Variants in PEAK1 observed in about 807,000 individuals in gnomAD.
PEAK1 encodes the protein pseudopodium enriched atypical kinase 1.
PEAK1 carries 54 observed loss-of-function variants against 124.7 expected under a neutral mutation model. That is an observed-to-expected ratio of 0.43 (90% confidence interval 0.35 to 0.54). The LOEUF (loss-of-function observed/expected upper bound fraction) is 0.54, where lower values mean the gene tolerates loss of function less well. Ranked by LOEUF, PEAK1 falls within the 20% of genes least tolerant of loss-of-function variation. PEAK1 has a pLI of 0.01. For synonymous variants in PEAK1, 719 were observed against 760.0 expected, an observed-to-expected ratio of 0.95 and a Z score of 0.89; for missense variants, 2,046 against 2,134.5, an observed-to-expected ratio of 0.96 and a Z score of 0.82.
chr15:77,221,187 T>C (rs895715155), intron 6 of PEAK1, among the ~76,000 whole-genome samples: 6 of 152,122 alleles, frequency 3.9e-5, no homozygotes, highest in Admixed American at 1.3e-4. Context: ...CACTCTGTCA[T>C]TGCAGTCGTG....
At chr15:77,418,274 G>C (rs1268866152) in intron 1 of PEAK1, 1 of 985,200 alleles carries the variant, frequency 1.0e-6, no homozygotes, top group African/African-American at 1.7e-5. Context: ...TCTAAGTTGG[G>C]ACAGGAGATG....
intron 8 of PEAK1, among the ~76,000 whole-genome samples, chr15:77,140,532 T>TA (rs2053692285): frequency 6.6e-6 from 1 of 151,998 alleles, no homozygotes; most frequent in Non-Finnish European, 1.5e-5. Flanking sequence ...AAACATTTGA[T>TA]AAAACCAAAC....
In PEAK1 at chr15:77,367,519, A is replaced by G. The variant is rs182325553; in HGVS notation, c.-665-2294T>C. ...AACTGTACTGCACATAAATAATTTTACTAAAGTGGATTTTAAAAGTAAAAT... is the reference window on the plus strand; with the variant it reads ...AACTGTACTGCACATAAATAATTTTGCTAAAGTGGATTTTAAAAGTAAAAT... On this transcript the variant is annotated intron_variant, in intron 1 of 9. Transcript: ENST00000682557. 6.4e-4 allele frequency among the ~76,000 whole-genome samples: 98 copies of G among 152,352 alleles called. 1 individual carries two copies. The highest frequency in any genetic ancestry group is 2.3e-3 in the African/African-American group (97 of 41,580).
At chr15:77,102,011 G>C (rs1273161888) in exon 7 of PEAK1, 1 of 152,148 alleles carries the variant, frequency 6.6e-6, no homozygotes, top group Non-Finnish European at 1.5e-5. Flanking sequence ...AAAGAAAAAG[G>C]CAGAGTAAAC....
chr15:77,355,663 C>T (rs1160602727), intron 2 of PEAK1: 1 of 712,034 alleles, frequency 1.4e-6, no homozygotes, highest in African/African-American at 1.9e-5. Flanking sequence ...GGCTACAGAC[C>T]TGGCATGGAA....
Position 77,403,519 on chromosome 15 carries a change from A to G in PEAK1, c.-666+16487T>C, listed in dbSNP as rs557123224. 3 of 967,264 alleles carry G rather than the reference A, an allele frequency of 3.1e-6. No individual in the cohort carries two copies. The Admixed American group carries it at 1.8e-4, about 59-fold the overall frequency. 59.9% of individuals were successfully genotyped at this position (967,264 alleles called of 1,614,324 possible). A position where few individuals can be genotyped will look rare whatever the true frequency, so the allele number is the denominator to read the frequency against. On this transcript the variant is annotated intron_variant, in intron 1 of 9. Transcript: ENST00000682557. ...GAAATAGTACAAATCAAGCACAGTAATAATAGCTTCCACTGGTAGCATATT... is the reference window on the plus strand; with the variant it reads ...GAAATAGTACAAATCAAGCACAGTAGTAATAGCTTCCACTGGTAGCATATT...
At chr15:77,289,761 C>G (rs966561404) in intron 2 of PEAK1, among the ~76,000 whole-genome samples, 1 of 151,962 alleles carries the variant, frequency 6.6e-6, no homozygotes, top group Non-Finnish European at 1.5e-5. Flanking sequence ...TGCTTGAACC[C>G]GGGAGGCGAA....
In PEAK1 at chr15:77,327,625, A is replaced by C. The variant is rs546358144; in HGVS notation, c.-603+37538T>G. On this transcript the variant is annotated intron_variant, in intron 2 of 9. Transcript: ENST00000682557. ...CTAAGACCTAATCTTCCTTTTTAAC[A>C]GAAAAGAAGAACTAGTTATAGATCA... is the stretch of plus-strand genomic sequence containing the variant. 2.6e-5 allele frequency among the ~76,000 whole-genome samples: 4 copies of C among 152,228 alleles called. No individual in the cohort carries two copies. The South Asian group carries it at 8.3e-4, about 32-fold the overall frequency.
At chr15:77,148,678 A>C (rs556622448) in intron 8 of PEAK1, among the ~76,000 whole-genome samples, 10 of 152,224 alleles carry the variant, frequency 6.6e-5, no homozygotes, top group Admixed American at 2.6e-4. Context: ...GTGCTTTGGG[A>C]GGCCAAGGTT....
intron 1 of PEAK1, among the ~76,000 whole-genome samples, chr15:77,415,640 G>A (rs2072816087): frequency 6.6e-6 from 1 of 152,184 alleles, no homozygotes. Context: ...CACAAGACAT[G>A]TCATCAACTC....
Position 77,345,304 on chromosome 15 carries a change from T to C in PEAK1, c.-603+19859A>G, listed in dbSNP as rs146428416. On this transcript the variant is annotated intron_variant, in intron 2 of 9. Coordinates refer to ENST00000682557, the MANE Select transcript of PEAK1 (RefSeq NM_001385026.1). ...GCATCTATTGAGATAGATTGTGTGTTTTTTGCCCTTCATTCAACTGGATAG... is the reference window on the plus strand; with the variant it reads ...GCATCTATTGAGATAGATTGTGTGTCTTTTGCCCTTCATTCAACTGGATAG... Among the ~76,000 whole-genome samples, 325 of 152,346 alleles carry C rather than the reference T, an allele frequency of 2.1e-3. 1 individual carries two copies. The highest frequency in any genetic ancestry group is 7.6e-3 in the African/African-American group (315 of 41,586).
intron 2 of PEAK1, chr15:77,333,130 G>A: frequency 1.0e-6 from 1 of 976,046 alleles, no homozygotes; most frequent in Non-Finnish European, 1.2e-6. Context: ...AATTTTTTGT[G>A]CAACTAAAAC....
At chr15:77,413,966 G>A (rs761018645) in intron 1 of PEAK1, among the ~76,000 whole-genome samples, 72 of 152,110 alleles carry the variant, frequency 4.7e-4, no homozygotes, top group Non-Finnish European at 8.4e-4. Context: ...TAGGCCCACA[G>A]GCACATGCCA....
At chr15:77,341,078 A>C (rs2066499385) in intron 2 of PEAK1, among the ~76,000 whole-genome samples, 1 of 152,028 alleles carries the variant, frequency 6.6e-6, no homozygotes, top group South Asian at 2.1e-4. Context: ...CAGCCTCTTA[A>C]ATTATAACTT....
At chr15:77,417,804 A>T in intron 1 of PEAK1, 2 of 985,430 alleles carry the variant, frequency 2.0e-6, no homozygotes, top group Non-Finnish European at 2.4e-6. Flanking sequence ...AACAATTTAG[A>T]AGAGTTATTA....
At chr15:77,192,556 T>C (rs2057887776) in intron 6 of PEAK1, among the ~76,000 whole-genome samples, 1 of 152,230 alleles carries the variant, frequency 6.6e-6, no homozygotes, top group South Asian at 2.1e-4. Flanking sequence ...CAGTGAGATA[T>C]CTACCTGTGG....
intron 2 of PEAK1, chr15:77,346,014 GGAAAA>G (rs1437576875): frequency 1.0e-6 from 1 of 985,248 alleles, no homozygotes; most frequent in East Asian, 1.1e-4. Flanking sequence ...GAAATGAAAT[GGAAAA>G]GAAATCAAGT....
downstream of PEAK1, chr15:77,105,674 T>C (rs1221381108): frequency 6.6e-6 from 1 of 152,312 alleles, no homozygotes; most frequent in Non-Finnish European, 1.5e-5. Context: ...TGCTAGGCCT[T>C]GGAGAGGAGG....
chr15:77,334,796 T>C (rs1186360152), intron 2 of PEAK1: 2 of 985,322 alleles, frequency 2.0e-6, no homozygotes, highest in East Asian at 1.1e-4. Context: ...CATTTTGATT[T>C]ATTTTTGTAG....
Sources: gnomAD v4.1 joint callset for allele counts (sites outside exome capture counted in the v4.1 genomes callset) on GRCh38, gnomAD v4.1.1 for gene constraint, MANE v1.5 for transcripts, NCBI Gene and HGNC (gene_info 2026-07-23, HGNC 2026-07-21) for gene names.